Variants in UTP20 observed in about 807,000 individuals in gnomAD.
UTP20 encodes UTP20 small subunit processome component, also known as small subunit processome component 20 homolog.
A neutral mutation model predicts 329.5 loss-of-function variants in UTP20; 164 were observed. The ratio of observed to expected loss-of-function variants is 0.50; its 90% CI spans 0.44 to 0.57. The LOEUF (loss-of-function observed/expected upper bound fraction) is 0.57, where lower values mean the gene tolerates loss of function less well. Among genes scored for constraint, UTP20 ranks in the 20% least tolerant of loss-of-function variants. The pLI, the probability that UTP20 is intolerant of heterozygous loss-of-function variation, is 0.00. For missense variants in UTP20, 3,055 were observed against 3,284.2 expected, an observed-to-expected ratio of 0.93 and a Z score of 1.71; for synonymous variants, 1,151 against 1,159.3, an observed-to-expected ratio of 0.99 and a Z score of 0.14.
chr12:101,336,906 G>C (rs1054196363), intron 29 of UTP20, among the ~76,000 whole-genome samples: 6 of 152,192 alleles, frequency 3.9e-5, no homozygotes, highest in Non-Finnish European at 8.8e-5. Flanking sequence ...TTGGTCACTG[G>C]GAAGTTGCAT....
At chr12:101,281,056 A>AT (rs1340187744) in intron 1 of UTP20, 60 bp from the exon 2 acceptor site, 7 of 1,380,536 alleles carry the variant, frequency 5.1e-6, no homozygotes, top group Non-Finnish European at 7.1e-6. Flanking sequence ...ATTCAAATAG[A>AT]TATTAAAGAT....
At chr12:101,370,672 T>TA (rs1870255837) in intron 50 of UTP20, 109 bp downstream of exon 50, 1 of 1,184,008 alleles carries the variant, frequency 8.4e-7, no homozygotes, top group African/African-American at 1.6e-5. Context: ...TGAAATTGAG[T>TA]AATTTGTAAA....
chr12:101,370,433 G>A lies in UTP20; in HGVS notation c.6557G>A (p.Cys2186Tyr), dbSNP rs562091153. The A allele has an allele frequency of 7.7e-5, 125 of 1,613,066 alleles. 3 individuals carry two copies. In the South Asian group the frequency reaches 1.3e-3, roughly 17 times the overall value. The stretch of plus-strand genomic sequence containing the variant: ...TAACATCACTATTGTAACTTGCAGT[G>A]TGTGACCATACTTGTCAAGAAAGTC... ...NFHLVVNCFK[C>Y]VTILVKKVKS... Residue 2186 changes from cysteine (C) to tyrosine (Y), a missense_variant and splice_region_variant, in exon 50 of 62, where the codon TGT becomes TAT. Physicochemically the swap from Cys to Tyr is radical, Grantham distance 194. Around this residue, in one of 3 missense-constraint regions of UTP20, gnomAD observed 273 missense variants for 363.1 expected, o/e 0.75. Coordinates refer to ENST00000261637, the MANE Select transcript of UTP20 (RefSeq NM_014503.3).
At chr12:101,321,169 T>C (rs904269877) in intron 24 of UTP20, among the ~76,000 whole-genome samples, 1 of 152,214 alleles carries the variant, frequency 6.6e-6, no homozygotes, top group Non-Finnish European at 1.5e-5. Flanking sequence ...TATTATGTCA[T>C]TTTCCTCTTC....
At chr12:101,309,481 A>G (rs1157373991) in intron 18 of UTP20, among the ~76,000 whole-genome samples, 1 of 152,210 alleles carries the variant, frequency 6.6e-6, no homozygotes, top group Non-Finnish European at 1.5e-5. Flanking sequence ...GAGTTTAATC[A>G]TTAGTCAAAT....
chr12:101,297,539 C>G (rs1872395905), intron 12 of UTP20, among the ~76,000 whole-genome samples: 2 of 152,170 alleles, frequency 1.3e-5, no homozygotes, highest in South Asian at 2.1e-4. Context: ...CTACTTATAT[C>G]TTCTGTATAC....
intron 2 of UTP20, among the ~76,000 whole-genome samples, chr12:101,284,596 T>C (rs1170327530): frequency 1.3e-5 from 2 of 151,894 alleles, no homozygotes; most frequent in African/African-American, 2.4e-5. Flanking sequence ...TTTGGGGGGG[T>C]ATGCATTTAT....
In UTP20 at chr12:101,366,628, G is replaced by T. The variant is rs1870103643; in HGVS notation, c.6196G>T (p.Val2066Phe). 4.3e-6 allele frequency: 7 copies of T among 1,614,022 alleles called. No homozygotes were observed. In the African/African-American group the frequency reaches 8.0e-5, roughly 18 times the overall value. The change falls in exon 47 of 62, where the codon GTT (valine) becomes TTT (phenylalanine). Residue 2066 changes from valine (V) to phenylalanine (F), a missense_variant. By Grantham distance (50) the Val-to-Phe change is conservative (BLOSUM62 -1). Transcript: ENST00000261637. ...CTGCCTTCTGCTTCCCCCAACTCCA[G>T]TTCGAGGTGGACAGAAAGCTGTTGT... ...QSCLLLPPTP[V>F]RGGQKAVVSR...
At position 101,338,162 on chromosome 12, in the gene UTP20, T is replaced by C. The variant is rs1226081625; in HGVS notation, c.3753T>C (p.Ile1251=). Residue 1251 remains isoleucine (I), a synonymous_variant, in exon 30 of 62, where the codon ATT becomes ATC. Transcript: ENST00000261637. ...AKNLSDATAS[I]VMDIVDDLLN... ...ATCTTTCTGATGCCACAGCCAGTAT[T>C]GTAATGGACATAGTTGATGACCTTC... The C allele has an allele frequency of 1.2e-6, 2 of 1,614,076 alleles. No homozygotes were observed. Among genetic ancestry groups the C allele is most frequent in the Non-Finnish European group, 1.7e-6 (2 of 1,180,026 alleles).
chr12:101,347,711 C>T (rs1426358683), intron 38 of UTP20, among the ~76,000 whole-genome samples: 1 of 152,174 alleles, frequency 6.6e-6, no homozygotes, highest in African/African-American at 2.4e-5. Context: ...AAAGATAGCT[C>T]CCTTATATTC....
At chr12:101,301,646 C>G (rs146576762) in intron 14 of UTP20, among the ~76,000 whole-genome samples, 1 of 152,048 alleles carries the variant, frequency 6.6e-6, no homozygotes, top group Non-Finnish European at 1.5e-5. Context: ...CCAGCCTGAG[C>G]GATGGAGCAA....
chr12:101,327,026 C>G, intron 25 of UTP20, 55 bp from the exon 26 acceptor site: 1 of 1,527,528 alleles, frequency 6.5e-7, no homozygotes, highest in South Asian at 1.3e-5. Flanking sequence ...GCAAATAAAA[C>G]AACTCATATT....
intron 8 of UTP20, 196 bp from the exon 9 acceptor site, chr12:101,291,540 CAAAAAA>C: frequency 1.4e-4 from 10 of 73,866 alleles, no homozygotes; most frequent in Middle Eastern, 4.6e-3. Flanking sequence ...AACTCCATCT[CAAAAAA>C]AAAAAAAAAA....
intron 27 of UTP20, 125 bp from the exon 28 acceptor site, chr12:101,333,176 C>A (rs558996723): frequency 3.3e-6 from 3 of 903,000 alleles, no homozygotes; most frequent in South Asian, 3.6e-5. Flanking sequence ...TAAATCAAGT[C>A]AACAGATTTA....
chr12:101,355,111 C>A lies in UTP20; in HGVS notation c.5387C>A (p.Ala1796Glu), dbSNP rs143164886. ...CTCCCCAGGCTACATAAATGCCTTG[C>A]ATCTACGGTAATAAATTTATTCGGG... is the stretch of plus-strand genomic sequence containing the variant. ...DILPRLHKCL[A>E]STTKREEEHK... Residue 1796 changes from alanine to glutamate, a missense_variant, in exon 41 of 62, where the codon GCA becomes GAA. Physicochemically the swap from Ala to Glu is moderately radical, Grantham distance 107 (BLOSUM62 -1). Around this residue, in one of 3 missense-constraint regions of UTP20, gnomAD observed 2,445 missense variants for 2,575.5 expected, o/e 0.95. Coordinates refer to ENST00000261637, the MANE Select transcript of UTP20 (RefSeq NM_014503.3). The A allele has an allele frequency of 3.9e-4, 635 of 1,612,150 alleles. 6 individuals carry two copies. In the South Asian group the frequency reaches 4.9e-3, roughly 12 times the overall value.
intron 55 of UTP20, 131 bp from the exon 56 acceptor site, chr12:101,375,493 T>C (rs1248277511): frequency 1.7e-5 from 14 of 843,778 alleles, no homozygotes; most frequent in Non-Finnish European, 2.3e-5. Context: ...CAGGAAAGGA[T>C]CATCTGGCCC....
intron 25 of UTP20, among the ~76,000 whole-genome samples, chr12:101,325,533 A>T (rs1276369012): frequency 1.3e-5 from 2 of 152,244 alleles, no homozygotes; most frequent in Non-Finnish European, 2.9e-5. Flanking sequence ...TCATTGCCAC[A>T]TACTTGGAGT....
rs1048108037 is a variant in UTP20, at chr12:101,374,673, C to T, written c.7132-135C>T. On this transcript the variant is annotated intron_variant, in intron 54 of 61. Transcript: ENST00000261637. Reference sequence around the variant, plus strand: ...TTGGCCATCAAAGCTCCATAATTTACTGATTTCTGGCATCAGAAAGAAATG... The same window carrying T: ...TTGGCCATCAAAGCTCCATAATTTATTGATTTCTGGCATCAGAAAGAAATG... 3 of 589,856 alleles carry T rather than the reference C, an allele frequency of 5.1e-6. No homozygotes were observed. The African/African-American group carries it at 5.4e-5, about 11-fold the overall frequency. The allele number at this position is 589,856 out of a possible 1,614,324, so 36.5% of individuals were successfully genotyped here.
chr12:101,380,917 A>G (rs1215248300), intron 57 of UTP20, among the ~76,000 whole-genome samples: 1 of 151,934 alleles, frequency 6.6e-6, no homozygotes, highest in Admixed American at 6.6e-5. Flanking sequence ...TTCTCCCCAA[A>G]ATGTGAAAGT....
Sources: allele counts gnomAD v4.1 joint callset (sites outside exome capture counted in the v4.1 genomes callset), GRCh38; gene constraint gnomAD v4.1.1; regional missense constraint gnomAD v4.1.1; transcripts MANE v1.5; gene names NCBI Gene and HGNC (gene_info 2026-07-23, HGNC 2026-07-21).